LRP1B: variants seen among roughly 807,000 people sequenced by gnomAD.
The protein encoded by LRP1B is low-density lipoprotein receptor-related protein 1B.
LRP1B carries 217 observed loss-of-function variants against 556.6 expected under a neutral mutation model. The ratio of observed to expected loss-of-function variants is 0.39; its 90% CI spans 0.35 to 0.44. LRP1B has a LOEUF of 0.44. Among genes scored for constraint, LRP1B ranks in the 20% least tolerant of loss-of-function variants. The probability of loss-of-function intolerance (pLI) is 1.00; values close to 1 mark genes in which losing one functional copy is unlikely to be tolerated. For missense variants in LRP1B, 5,053 were observed against 5,620.8 expected (o/e 0.90, Z 3.23); for synonymous variants, 2,047 against 1,865.8 (o/e 1.10, Z -2.50).
Position 140,431,030 on chromosome 2 carries a change from G to A in LRP1B, c.10414+11474C>T, listed in dbSNP as rs868667630. ...CTACAGGGTCTGAGAAGGCCATCAC[G>A]GTCATTTCTTCCCTTCTGTCAGATA... On this transcript the variant is annotated intron_variant, in intron 66 of 90. Transcript: ENST00000389484. 4.6e-5 allele frequency among the ~76,000 whole-genome samples: 7 copies of A among 152,254 alleles called. 1 individual carries two copies. The highest frequency in any genetic ancestry group is 3.9e-4 in the East Asian group (2 of 5,168).
intron 3 of LRP1B, among the ~76,000 whole-genome samples, chr2:141,374,383 G>A (rs1689350088): frequency 1.3e-5 from 2 of 152,032 alleles, no homozygotes; most frequent in Non-Finnish European, 2.9e-5. Context: ...TCTTTGCCTG[G>A]GGGTCACCGG....
chr2:141,595,652 C>A, intron 2 of LRP1B, among the ~76,000 whole-genome samples: 1 of 151,982 alleles, frequency 6.6e-6, no homozygotes, highest in Non-Finnish European at 1.5e-5. Context: ...GATAATATGA[C>A]TCACATCTTT....
chr2:140,365,913 T>C (rs775906713), intron 71 of LRP1B, among the ~76,000 whole-genome samples: 1 of 151,698 alleles, frequency 6.6e-6, no homozygotes, highest in Non-Finnish European at 1.5e-5. Flanking sequence ...GAAAGAGCCA[T>C]TGTTCCTTTT....
At chr2:140,683,319 T>A in intron 41 of LRP1B, 1 of 439,092 alleles carries the variant, frequency 2.3e-6, no homozygotes, top group South Asian at 1.9e-5. Context: ...GATCTTGACC[T>A]GGAGGCCCAA....
chr2:141,627,986 A>T (rs1435038408), intron 2 of LRP1B, among the ~76,000 whole-genome samples: 1 of 152,208 alleles, frequency 6.6e-6, no homozygotes, highest in Non-Finnish European at 1.5e-5. Flanking sequence ...AAATTCTATT[A>T]ACAAATAAAT....
At chr2:140,331,312 A>G (rs1680800200) in intron 79 of LRP1B, among the ~76,000 whole-genome samples, 1 of 152,064 alleles carries the variant, frequency 6.6e-6, no homozygotes, top group Non-Finnish European at 1.5e-5. Flanking sequence ...TCAGCAAAAT[A>G]TTTCATGTTC....
chr2:140,376,863 A>G (rs1372133869), intron 68 of LRP1B, among the ~76,000 whole-genome samples: 1 of 152,174 alleles, frequency 6.6e-6, no homozygotes, highest in African/African-American at 2.4e-5. Context: ...AGAGACCTGT[A>G]GTATCTCCCA....
intron 60 of LRP1B, among the ~76,000 whole-genome samples, chr2:140,465,756 T>C (rs1249453594): frequency 6.6e-6 from 1 of 150,442 alleles, no homozygotes; most frequent in Non-Finnish European, 1.5e-5. Flanking sequence ...CCTAAACATA[T>C]ATGCAAATTT....
chr2:140,792,602 T>A (rs1371977271), intron 32 of LRP1B, among the ~76,000 whole-genome samples: 5 of 152,112 alleles, frequency 3.3e-5, no homozygotes, highest in African/African-American at 1.2e-4. Flanking sequence ...ATCTAAAAAA[T>A]GAGAAACGGT....
At chr2:140,796,297 A>G (rs1245654779) in intron 32 of LRP1B, among the ~76,000 whole-genome samples, 1 of 152,052 alleles carries the variant, frequency 6.6e-6, no homozygotes, top group African/African-American at 2.4e-5. Context: ...CTGATCATCA[A>G]TTATAATCTG....
intron 2 of LRP1B, among the ~76,000 whole-genome samples, chr2:141,754,237 C>T (rs1053919862): frequency 6.0e-5 from 9 of 150,724 alleles, no homozygotes; most frequent in Non-Finnish European, 1.0e-4. Context: ...AACATTTCTA[C>T]GGCAATGAAA....
At chr2:141,183,207 G>T (rs1441939560) in intron 7 of LRP1B, among the ~76,000 whole-genome samples, 1 of 151,976 alleles carries the variant, frequency 6.6e-6, no homozygotes, top group Non-Finnish European at 1.5e-5. Context: ...GACAGTATCA[G>T]CTTGGAACCT....
At chr2:141,525,630 A>G (rs1426692800) in intron 2 of LRP1B, among the ~76,000 whole-genome samples, 2 of 152,052 alleles carry the variant, frequency 1.3e-5, no homozygotes, top group Non-Finnish European at 2.9e-5. Context: ...ATGTAAGAAC[A>G]ATTACACTGG....
intron 84 of LRP1B, among the ~76,000 whole-genome samples, chr2:140,277,819 G>T (rs925203298): frequency 6.6e-6 from 1 of 151,788 alleles, no homozygotes; most frequent in Non-Finnish European, 1.5e-5. Flanking sequence ...GAAAACGGTT[G>T]GCAATATCTC....
At chr2:141,084,288 A>G (rs1699993951) in intron 7 of LRP1B, among the ~76,000 whole-genome samples, 2 of 152,174 alleles carry the variant, frequency 1.3e-5, no homozygotes, top group African/African-American at 4.8e-5. Flanking sequence ...TTTGATACAG[A>G]ATTGGTTAGA....
chr2:140,806,004 G>C (rs1261942749), intron 32 of LRP1B, among the ~76,000 whole-genome samples: 2 of 152,120 alleles, frequency 1.3e-5, no homozygotes, highest in Admixed American at 1.3e-4. Flanking sequence ...ATTTGGTCAT[G>C]AGGGTAAAGA....
chr2:140,961,761 T>G (rs866539925), intron 18 of LRP1B, among the ~76,000 whole-genome samples: 1 of 152,102 alleles, frequency 6.6e-6, no homozygotes, highest in Non-Finnish European at 1.5e-5. Context: ...ACTTGTACTT[T>G]TAATTTAAAG....
chr2:141,456,791 A>G (rs532005359), intron 3 of LRP1B, among the ~76,000 whole-genome samples: 1 of 152,330 alleles, frequency 6.6e-6, no homozygotes, highest in African/African-American at 2.4e-5. Context: ...AACAAGATAT[A>G]TGAAACTGAA....
chr2:142,113,440 A>G (rs187914173), intron 1 of LRP1B, among the ~76,000 whole-genome samples: 60 of 152,018 alleles, frequency 3.9e-4, no homozygotes, highest in Admixed American at 2.0e-4. Flanking sequence ...TCTAAGAAGA[A>G]TCAGAGTTTT....
Sources: gnomAD v4.1 joint callset for allele counts (sites outside exome capture counted in the v4.1 genomes callset) on GRCh38, gnomAD v4.1.1 for gene constraint, MANE v1.5 for transcripts, NCBI Gene and HGNC (gene_info 2026-07-23, HGNC 2026-07-21) for gene names.